DCLK2: variants seen among roughly 807,000 people sequenced by gnomAD.
The protein encoded by DCLK2 is doublecortin like kinase 2.
In DCLK2, 31 loss-of-function variants were observed where a neutral mutation model predicts 78.4. The observed-to-expected ratio is 0.40, with a 90% CI of 0.30 to 0.53. The LOEUF (loss-of-function observed/expected upper bound fraction) is 0.53. Ranked by LOEUF, DCLK2 falls within the 20% of genes least tolerant of loss-of-function variation. The pLI is 0.61. For synonymous variants in DCLK2, 407 were observed against 374.9 expected, an observed-to-expected ratio of 1.09 and a Z score of -0.99; for missense variants, 872 against 973.7, an observed-to-expected ratio of 0.90 and a Z score of 1.39.
intron 1 of DCLK2, among the ~76,000 whole-genome samples, chr4:150,094,354 T>A (rs1040344228): frequency 2.8e-4 from 43 of 152,364 alleles, no homozygotes; most frequent in African/African-American, 1.0e-3. Flanking sequence ...GTAGAGAGAT[T>A]ACTGTGCTTC....
Position 150,141,897 on chromosome 4 carries a change from A to G in DCLK2, c.756+39085A>G, listed in dbSNP as rs957056760. ...TACCCTGGAATATGGTAATTGTGCT[A>G]AACCATACAGCTATAATTATAAGAC... On this transcript the variant is annotated intron_variant, in intron 2 of 15. Coordinates refer to ENST00000296550, the MANE Select transcript of DCLK2 (RefSeq NM_001040260.4). Among the ~76,000 whole-genome samples, 5 of 152,330 alleles carry G rather than the reference A, an allele frequency of 3.3e-5. No individual in the cohort carries two copies. The South Asian group carries it at 1.0e-3, about 32-fold the overall frequency.
intron 8 of DCLK2, among the ~76,000 whole-genome samples, chr4:150,226,602 A>C (rs536280264): frequency 1.2e-4 from 18 of 152,248 alleles, no homozygotes; most frequent in Admixed American, 9.8e-4. Context: ...CATGGTTGGA[A>C]AAAAAAGGTC....
At position 150,256,189 on chromosome 4, in the gene DCLK2, C is replaced by G. The variant is rs13152820; in HGVS notation, c.2243C>G (p.Pro748Arg). ...PTPPESPTPH[P>R]PPAAPGGERA... ...CCTCCGGAATCTCCCACCCCCCACC[C>G]TCCTCCCGCTGCCCCGGGTGGTGAG... Residue 748 changes from proline (P) to arginine (R), a missense_variant, in exon 16 of 16, where the codon CCT (proline) becomes CGT (arginine). This residue lies in a region of DCLK2 where 219 missense variants were observed against 230.1 expected (regional missense o/e 0.95). Coordinates refer to ENST00000296550, the MANE Select transcript of DCLK2 (RefSeq NM_001040260.4). The G allele has an allele frequency of 0.94, 1,441,388 of 1,540,864 alleles. 675,861 individuals carry two copies. The highest frequency in any genetic ancestry group is 0.95 in the Middle Eastern group (4,147 of 4,360).
intron 12 of DCLK2, among the ~76,000 whole-genome samples, chr4:150,246,990 C>G (rs761855313): frequency 6.6e-5 from 10 of 152,128 alleles, no homozygotes; most frequent in Non-Finnish European, 1.3e-4. Flanking sequence ...GAATGTTTAT[C>G]CAGATCCTGA....
At chr4:150,198,883 C>A in intron 4 of DCLK2, 1 of 557,720 alleles carries the variant, frequency 1.8e-6, no homozygotes, top group Non-Finnish European at 3.2e-6. Flanking sequence ...TTCAGACATT[C>A]CACTATTCGC....
chr4:150,113,540 A>G (rs943060735), intron 2 of DCLK2, among the ~76,000 whole-genome samples: 1 of 152,104 alleles, frequency 6.6e-6, no homozygotes, highest in Non-Finnish European at 1.5e-5. Context: ...GTATGCATAG[A>G]GATGTTCATA....
intron 2 of DCLK2, among the ~76,000 whole-genome samples, chr4:150,131,810 C>G (rs1733335810): frequency 6.6e-6 from 1 of 152,130 alleles, no homozygotes; most frequent in Non-Finnish European, 1.5e-5. Flanking sequence ...CTGCCCTTCC[C>G]TGACTCATCC....
chr4:150,199,129 T>A, intron 4 of DCLK2: 1 of 1,516,392 alleles, frequency 6.6e-7, no homozygotes, highest in Non-Finnish European at 8.9e-7. Flanking sequence ...TTTGTTTTTG[T>A]TTTTTGCCAC....
At chr4:150,171,612 T>C (rs917106551) in intron 2 of DCLK2, among the ~76,000 whole-genome samples, 3 of 152,238 alleles carry the variant, frequency 2.0e-5, no homozygotes, top group Non-Finnish European at 4.4e-5. Flanking sequence ...GGTTGAGGGA[T>C]TGTAGTGTTA....
At chr4:150,203,918 T>A (rs1411554891) in intron 5 of DCLK2, 29 bp downstream of exon 5, 1 of 1,568,520 alleles carries the variant, frequency 6.4e-7, no homozygotes, top group Non-Finnish European at 8.8e-7. Context: ...GGCATATTTG[T>A]GTGATTTTGT....
At chr4:150,167,530 G>T (rs1324968720) in intron 2 of DCLK2, among the ~76,000 whole-genome samples, 1 of 152,186 alleles carries the variant, frequency 6.6e-6, no homozygotes, top group Non-Finnish European at 1.5e-5. Context: ...AAAAAAGGGA[G>T]AGGGGCTCAT....
intron 5 of DCLK2, among the ~76,000 whole-genome samples, chr4:150,213,157 C>T (rs937361562): frequency 3.9e-5 from 6 of 152,326 alleles, no homozygotes; most frequent in Admixed American, 1.3e-4. Flanking sequence ...ATGTAGTCAC[C>T]TGTGGTGGTT....
chr4:150,190,349 A>G (rs1242406037), intron 2 of DCLK2, among the ~76,000 whole-genome samples: 1 of 152,150 alleles, frequency 6.6e-6, no homozygotes, highest in Non-Finnish European at 1.5e-5. Context: ...CCTGGGAAAC[A>G]GTGTGAGGAA....
At chr4:150,218,003 G>A (rs914079420) in intron 5 of DCLK2, among the ~76,000 whole-genome samples, 1 of 152,188 alleles carries the variant, frequency 6.6e-6, no homozygotes, top group African/African-American at 2.4e-5. Flanking sequence ...ACACTTGAAA[G>A]TGGCCCTTCG....
intron 15 of DCLK2, among the ~76,000 whole-genome samples, chr4:150,250,037 C>T (rs1743643816): frequency 6.6e-6 from 1 of 152,126 alleles, no homozygotes; most frequent in Non-Finnish European, 1.5e-5. Context: ...CCTGCCTACC[C>T]CAAGGCCTCA....
At chr4:150,185,018 T>C (rs1044513428) in intron 2 of DCLK2, among the ~76,000 whole-genome samples, 2 of 152,198 alleles carry the variant, frequency 1.3e-5, no homozygotes, top group Admixed American at 1.3e-4. Flanking sequence ...AAGGGTTTAT[T>C]ATGCTACTAA....
At chr4:150,162,059 C>A (rs569676116) in intron 2 of DCLK2, among the ~76,000 whole-genome samples, 1 of 152,290 alleles carries the variant, frequency 6.6e-6, no homozygotes, top group Non-Finnish European at 1.5e-5. Context: ...GAAACAGGGT[C>A]TTGCCCTGTT....
Position 150,253,583 on chromosome 4 carries a change from C to T in DCLK2, c.2074-2437C>T, listed in dbSNP as rs566063312. Reference sequence around the variant, plus strand: ...TATTCACCACGCTGCGTCCGACCAGCGCGCCCCATCCTCAGCCCCTCTCAC... The same window carrying T: ...TATTCACCACGCTGCGTCCGACCAGTGCGCCCCATCCTCAGCCCCTCTCAC... On this transcript the variant is annotated intron_variant, in intron 15 of 15. Coordinates refer to ENST00000296550, the MANE Select transcript of DCLK2 (RefSeq NM_001040260.4). The T allele has an allele frequency of 6.8e-5, 88 of 1,289,338 alleles. No homozygotes were observed. In the African/African-American group the frequency reaches 1.1e-3, roughly 16 times the overall value. The allele number at this position is 1,289,338 out of a possible 1,614,324, so 79.9% of individuals were successfully genotyped here. A position where few individuals can be genotyped will look rare whatever the true frequency, so the allele number is the denominator to read the frequency against.
chr4:150,202,339 G>C (rs1037257569), intron 4 of DCLK2, among the ~76,000 whole-genome samples: 4 of 152,098 alleles, frequency 2.6e-5, no homozygotes, highest in African/African-American at 9.7e-5. Flanking sequence ...ACATGTATTT[G>C]TTAATAAAAT....
Sources: allele counts gnomAD v4.1 joint callset (sites outside exome capture counted in the v4.1 genomes callset), GRCh38; gene constraint gnomAD v4.1.1; regional missense constraint gnomAD v4.1.1; transcripts MANE v1.5; gene names NCBI Gene and HGNC (gene_info 2026-07-23, HGNC 2026-07-21).